Variants in PKP2 observed in about 807,000 individuals in gnomAD.
PKP2 encodes the protein plakophilin 2.
In PKP2, 73 loss-of-function variants were observed where a neutral mutation model predicts 83.4. The observed-to-expected ratio is 0.88, with a 90% confidence interval of 0.72 to 1.06. PKP2 has a LOEUF of 1.06. Among genes scored for constraint, PKP2 ranks in the 50% least tolerant of loss-of-function variants. The pLI is 0.00. For missense variants in PKP2, 966 were observed against 1,065.4 expected (o/e 0.91, Z 1.30); for synonymous variants, 409 against 430.4 (o/e 0.95, Z 0.62).
chr12:32,868,168 A>G (rs1227802165), intron 4 of PKP2, among the ~76,000 whole-genome samples: 2 of 152,192 alleles, frequency 1.3e-5, no homozygotes, highest in Non-Finnish European at 2.9e-5. Context: ...ATTTTTGGTA[A>G]TGAGTGGCTG....
At chr12:32,829,850 A>G (rs1956482276) in intron 6 of PKP2, among the ~76,000 whole-genome samples, 1 of 151,968 alleles carries the variant, frequency 6.6e-6, no homozygotes, top group Admixed American at 6.6e-5. Flanking sequence ...TAGTAGAGAC[A>G]GGGTTTCACC....
chr12:32,880,048 A>C (rs1043149807), intron 1 of PKP2, among the ~76,000 whole-genome samples: 3 of 151,360 alleles, frequency 2.0e-5, no homozygotes, highest in African/African-American at 7.3e-5. Flanking sequence ...TCTTGTAATA[A>C]GCAGGTGTAG....
At chr12:32,837,413 T>C (rs1427429834) in intron 6 of PKP2, among the ~76,000 whole-genome samples, 1 of 152,186 alleles carries the variant, frequency 6.6e-6, no homozygotes, top group Non-Finnish European at 1.5e-5. Flanking sequence ...GGAGTGCTAC[T>C]GAGAGTAAAC....
intron 9 of PKP2, among the ~76,000 whole-genome samples, chr12:32,819,250 C>T (rs1956349723): frequency 6.6e-6 from 1 of 151,298 alleles, no homozygotes; most frequent in African/African-American, 2.4e-5. Flanking sequence ...TGGATTCCAG[C>T]CTGGGCAACA....
At chr12:32,873,319 A>G (rs1956909122) in intron 3 of PKP2, among the ~76,000 whole-genome samples, 1 of 152,026 alleles carries the variant, frequency 6.6e-6, no homozygotes, top group African/African-American at 2.4e-5. Flanking sequence ...GCTGGTTTCA[A>G]ATTCCTGGGC....
intron 6 of PKP2, among the ~76,000 whole-genome samples, chr12:32,824,954 G>A (rs1386205688): frequency 6.6e-6 from 1 of 151,992 alleles, no homozygotes; most frequent in Non-Finnish European, 1.5e-5. Context: ...GTATAGTCTG[G>A]TATTATTGTT....
chr12:32,870,026 T>C (rs7969426), intron 3 of PKP2, among the ~76,000 whole-genome samples: 7,198 of 152,166 alleles, frequency 0.047, 247 homozygotes, highest in African/African-American at 0.1. Flanking sequence ...GAGACTCTGT[T>C]TCAAAAACAA....
intron 9 of PKP2, among the ~76,000 whole-genome samples, chr12:32,817,960 C>T (rs1360191592): frequency 6.6e-6 from 1 of 152,018 alleles, no homozygotes; most frequent in South Asian, 2.1e-4. Flanking sequence ...TATTGTGAAC[C>T]GCACATGAGG....
intron 11 of PKP2, chr12:32,793,003 C>A: frequency 4.8e-6 from 2 of 416,766 alleles, no homozygotes; most frequent in South Asian, 2.1e-5. Flanking sequence ...GTAATCCCAG[C>A]ACTTTTGGGA....
chr12:32,874,128 G>GT (rs1956914760), intron 3 of PKP2, among the ~76,000 whole-genome samples: 1 of 152,114 alleles, frequency 6.6e-6, no homozygotes, highest in African/African-American at 2.4e-5. Flanking sequence ...CATTATGCAG[G>GT]TTTATGGTTT....
intron 6 of PKP2, among the ~76,000 whole-genome samples, chr12:32,827,830 G>A (rs756431390): frequency 3.9e-5 from 6 of 152,262 alleles, no homozygotes; most frequent in East Asian, 3.9e-4. Flanking sequence ...AGTGCCTGTC[G>A]TTTGCATTTG....
Position 32,790,767 on chromosome 12 carries a change from T to C in PKP2, c.*1657A>G, listed in dbSNP as rs934765727. 2.6e-5 allele frequency: 4 copies of C among 152,322 alleles called. No individual in the cohort carries two copies. Among genetic ancestry groups the C allele is most frequent in the Non-Finnish European group, 5.9e-5 (4 of 68,036 alleles). 9.4% of individuals were successfully genotyped at this position (152,322 alleles called of 1,614,324 possible). A position where few individuals can be genotyped will look rare whatever the true frequency, so the allele number is the denominator to read the frequency against. ...TACTTTGGTCTCATTTTGTATTTAATATTATCGAAGGCTTTATTAATGCCT... is the reference window on the plus strand; with the variant it reads ...TACTTTGGTCTCATTTTGTATTTAACATTATCGAAGGCTTTATTAATGCCT... On this transcript the variant is annotated 3_prime_UTR_variant, in exon 13 of 13. Coordinates refer to ENST00000340811, the MANE Select transcript of PKP2 (RefSeq NM_001005242.3).
intron 1 of PKP2, among the ~76,000 whole-genome samples, chr12:32,892,957 AT>A (rs1307859647): frequency 6.6e-6 from 1 of 152,044 alleles, no homozygotes; most frequent in African/African-American, 2.4e-5. Context: ...TATTTTAACT[AT>A]TAGCTACAAT....
chr12:32,800,820 T>C (rs1313634879), intron 10 of PKP2, among the ~76,000 whole-genome samples: 1 of 152,234 alleles, frequency 6.6e-6, no homozygotes, highest in East Asian at 1.9e-4. Flanking sequence ...CTGTGTGAAA[T>C]CTGTTATTCT....
intron 3 of PKP2, among the ~76,000 whole-genome samples, chr12:32,872,703 C>T (rs565482540): frequency 4.5e-4 from 68 of 152,230 alleles, no homozygotes; most frequent in Admixed American, 1.4e-3. Context: ...GAATGGATAG[C>T]TCCTACAAGT....
rs546478084 is a variant in PKP2, at chr12:32,810,341, T to A, written c.2014-7785A>T. Among the ~76,000 whole-genome samples, 37 of 124,660 alleles carry A rather than the reference T, an allele frequency of 3.0e-4. 1 individual carries two copies. In the South Asian group the frequency reaches 0.011, roughly 38 times the overall value. 81.8% of individuals were successfully genotyped at this position (124,660 alleles called of 152,430 possible). ...GTGAAGGTCTATTTTTTTGCAAAGGTAAGGAGTTCAGCCATCATTTTTTTT... is the reference window on the plus strand; with the variant it reads ...GTGAAGGTCTATTTTTTTGCAAAGGAAAGGAGTTCAGCCATCATTTTTTTT... On this transcript the variant is annotated intron_variant, in intron 9 of 12. Coordinates refer to ENST00000340811, the MANE Select transcript of PKP2 (RefSeq NM_001005242.3).
intron 1 of PKP2, among the ~76,000 whole-genome samples, chr12:32,889,114 A>G (rs1311157741): frequency 1.3e-5 from 2 of 152,184 alleles, no homozygotes; most frequent in Non-Finnish European, 2.9e-5. Flanking sequence ...GGCTGCCTAT[A>G]AGGGACACAA....
Position 32,802,405 on chromosome 12 carries a change from A to G in PKP2, c.2165T>C (p.Ile722Thr). The G allele has an allele frequency of 1.2e-6, 2 of 1,613,980 alleles. No individual in the cohort carries two copies. The highest frequency in any genetic ancestry group is 1.7e-6 in the Non-Finnish European group (2 of 1,179,924). The change falls in exon 10 of 13, where the codon ATT becomes ACT. Residue 722 changes from isoleucine to threonine, a missense_variant and splice_region_variant. Physicochemically the swap from Ile to Thr is moderately conservative, Grantham distance 89. Transcript: ENST00000340811. ...LSRNLSLQNEIAKETLPDLVS... is the reference protein window; with the variant it reads ...LSRNLSLQNETAKETLPDLVS... ...CATAGATACTTATACCGACTCACCA[A>G]TTTCATTCTGCAGAGAAAGATTCCG...
chr12:32,793,134 G>A (rs996989856), intron 11 of PKP2, among the ~76,000 whole-genome samples: 3 of 151,908 alleles, frequency 2.0e-5, no homozygotes, highest in Non-Finnish European at 2.9e-5. Context: ...CCAGCTACTC[G>A]GGAGGCTGAG....
Sources: gnomAD v4.1 joint callset for allele counts (sites outside exome capture counted in the v4.1 genomes callset) on GRCh38, gnomAD v4.1.1 for gene constraint, MANE v1.5 for transcripts, NCBI Gene and HGNC (gene_info 2026-07-23, HGNC 2026-07-21) for gene names.